Variants in AUTS2 observed in about 807,000 individuals in gnomAD.
The protein encoded by AUTS2 is activator of transcription and developmental regulator AUTS2.
Under a neutral mutation model 112.4 loss-of-function variants are expected in AUTS2, and 17 were observed. The ratio of observed to expected loss-of-function variants is 0.15; its 90% CI spans 0.10 to 0.23. AUTS2 has a LOEUF of 0.23. Among genes scored for constraint, AUTS2 ranks in the 10% least tolerant of loss-of-function variants. The pLI is 1.00. For missense variants in AUTS2, 1,510 were observed against 1,701.6 expected (o/e 0.89, Z 1.98); for synonymous variants, 751 against 702.7 (o/e 1.07, Z -1.09).
intron 1 of AUTS2, among the ~76,000 whole-genome samples, chr7:69,654,855 T>G (rs2129137271): frequency 6.6e-6 from 1 of 152,240 alleles, no homozygotes; most frequent in South Asian, 2.1e-4. Flanking sequence ...TGTTTAGAGG[T>G]GGGCTTCTTT....
chr7:70,431,195 T>C (rs1795653899), intron 4 of AUTS2, among the ~76,000 whole-genome samples: 1 of 152,078 alleles, frequency 6.6e-6, no homozygotes, highest in African/African-American at 2.4e-5. Flanking sequence ...AACTGAAATA[T>C]TTGACGTGTT....
At chr7:69,750,488 T>TAGTAGTAGTAGTAGC (rs1427305246) in intron 1 of AUTS2, among the ~76,000 whole-genome samples, 1 of 150,232 alleles carries the variant, frequency 6.7e-6, no homozygotes, top group African/African-American at 2.4e-5. Context: ...GTAGTAGTAG[T>TAGTAGTAGTAGTAGC]AGTAGTAGTA....
At chr7:70,368,066 G>A (rs1792667451) in intron 4 of AUTS2, among the ~76,000 whole-genome samples, 1 of 152,160 alleles carries the variant, frequency 6.6e-6, no homozygotes, top group African/African-American at 2.4e-5. Context: ...ATGTCTCTGG[G>A]ATAGTAAGGG....
At chr7:70,127,247 C>G (rs1222014655) in intron 3 of AUTS2, among the ~76,000 whole-genome samples, 1 of 152,062 alleles carries the variant, frequency 6.6e-6, no homozygotes, top group Non-Finnish European at 1.5e-5. Context: ...TTTTCTTGTG[C>G]CCCGGCCTCC....
At chr7:69,968,126 G>A (rs1467712832) in intron 2 of AUTS2, among the ~76,000 whole-genome samples, 2 of 152,140 alleles carry the variant, frequency 1.3e-5, no homozygotes, top group Non-Finnish European at 2.9e-5. Context: ...AATTTTCAAG[G>A]TATTATTTGT....
chr7:70,025,967 G>GTCCTTACA (rs1800503120), intron 2 of AUTS2, among the ~76,000 whole-genome samples: 3 of 152,088 alleles, frequency 2.0e-5, no homozygotes, highest in African/African-American at 7.2e-5. Flanking sequence ...TTCTGAACTA[G>GTCCTTACA]GCACGAAAAG....
intron 4 of AUTS2, among the ~76,000 whole-genome samples, chr7:70,248,908 C>A (rs932060322): frequency 3.3e-5 from 5 of 152,204 alleles, no homozygotes; most frequent in Non-Finnish European, 7.3e-5. Context: ...GAATTAACCA[C>A]ATATTTTCCC....
At chr7:70,039,411 C>T (rs1027343559) in intron 2 of AUTS2, among the ~76,000 whole-genome samples, 1 of 152,010 alleles carries the variant, frequency 6.6e-6, no homozygotes, top group African/African-American at 2.4e-5. Flanking sequence ...TGCCCAGGCT[C>T]AAGTGCAGTG....
intron 1 of AUTS2, among the ~76,000 whole-genome samples, chr7:69,719,966 G>C (rs900088375): frequency 1.3e-5 from 2 of 152,182 alleles, no homozygotes; most frequent in South Asian, 4.1e-4. Context: ...TTCTTTCATA[G>C]AGAGAGGCAG....
chr7:70,387,359 A>G (rs969094836), intron 4 of AUTS2, among the ~76,000 whole-genome samples: 13 of 152,092 alleles, frequency 8.5e-5, no homozygotes, highest in African/African-American at 3.1e-4. Context: ...CTATTCCTCC[A>G]TCGTGAAGCA....
rs573279918 is a variant in AUTS2 at position 70,459,325 on chromosome 7, A to C, written c.690+23544A>C. Among the ~76,000 whole-genome samples, 18 of 152,178 alleles carry C rather than the reference A, an allele frequency of 1.2e-4. No individual in the cohort carries two copies. In the South Asian group the frequency reaches 3.5e-3, roughly 30 times the overall value. ...CACAATGTAGTTCTTGATTAGGAAG[A>C]CTCTGGAATAAGCGCCCAGGAGAAA... On this transcript the variant is annotated intron_variant, in intron 5 of 18. Coordinates refer to ENST00000342771, the MANE Select transcript of AUTS2 (RefSeq NM_015570.4).
intron 1 of AUTS2, among the ~76,000 whole-genome samples, chr7:69,750,043 A>T (rs1198926937): frequency 2.0e-5 from 3 of 152,208 alleles, no homozygotes; most frequent in African/African-American, 7.2e-5. Flanking sequence ...AATAACCTGC[A>T]GATATTCATA....
At position 69,738,028 on chromosome 7, in the gene AUTS2, T is replaced by A. The variant is rs74497971; in HGVS notation, c.309+138066T>A. Among the ~76,000 whole-genome samples, 475 of 152,208 alleles carry A rather than the reference T, an allele frequency of 3.1e-3. 1 individual carries two copies. Among genetic ancestry groups the A allele is most frequent in the African/African-American group, 9.7e-3 (405 of 41,548 alleles). On this transcript the variant is annotated intron_variant, in intron 1 of 18. Transcript: ENST00000342771. Reference sequence around the variant, plus strand: ...GTTTATGGAAACGCTAATTATTATTTTTTTTTTTGCTGAGGTTCTTTGCAG... The same window carrying A: ...GTTTATGGAAACGCTAATTATTATTATTTTTTTTGCTGAGGTTCTTTGCAG...
At chr7:70,038,224 G>A (rs1307645674) in intron 2 of AUTS2, among the ~76,000 whole-genome samples, 1 of 152,076 alleles carries the variant, frequency 6.6e-6, no homozygotes, top group Non-Finnish European at 1.5e-5. Flanking sequence ...TGGAAACCAA[G>A]CATTTCAAAG....
intron 2 of AUTS2, among the ~76,000 whole-genome samples, chr7:70,001,279 C>A (rs1227495619): frequency 6.6e-6 from 1 of 152,092 alleles, no homozygotes; most frequent in African/African-American, 2.4e-5. Flanking sequence ...GTGTGTGCCA[C>A]CACGCCTATC....
chr7:70,520,721 G>A (rs1289630446), intron 5 of AUTS2, among the ~76,000 whole-genome samples: 3 of 152,134 alleles, frequency 2.0e-5, no homozygotes, highest in Admixed American at 2.0e-4. Context: ...CCCTTTCTTG[G>A]CACCTTGAGC....
At chr7:70,721,138 G>C (rs189306297) in intron 6 of AUTS2, among the ~76,000 whole-genome samples, 132 of 151,884 alleles carry the variant, frequency 8.7e-4, no homozygotes, top group Admixed American at 1.6e-3. Flanking sequence ...TATGTCTTCT[G>C]CTCTACTGGG....
At chr7:70,614,175 C>T (rs2129534600) in intron 5 of AUTS2, among the ~76,000 whole-genome samples, 1 of 152,304 alleles carries the variant, frequency 6.6e-6, no homozygotes, top group East Asian at 1.9e-4. Context: ...AACTTTCATA[C>T]AAGCTAGTCT....
At chr7:70,495,989 C>T (rs1798465334) in intron 5 of AUTS2, among the ~76,000 whole-genome samples, 1 of 137,370 alleles carries the variant, frequency 7.3e-6, no homozygotes, top group African/African-American at 2.8e-5. Context: ...ACACACACCA[C>T]TCATACCACA....
Sources: gnomAD v4.1 joint callset for allele counts (sites outside exome capture counted in the v4.1 genomes callset) on GRCh38, gnomAD v4.1.1 for gene constraint, MANE v1.5 for transcripts, NCBI Gene and HGNC (gene_info 2026-07-23, HGNC 2026-07-21) for gene names.